The following COL22A1 variants were observed in gnomAD, a reference collection of about 807,000 sequenced individuals.
COL22A1 encodes collagen alpha-1(XXII) chain.
Under a neutral mutation model 248.9 loss-of-function variants are expected in COL22A1, and 221 were observed. That is an observed-to-expected ratio of 0.89 (90% confidence interval 0.80 to 0.99). The LOEUF (loss-of-function observed/expected upper bound fraction) is 0.99. COL22A1 is among the 50% of genes least tolerant of loss of function. The pLI, the probability that COL22A1 is intolerant of heterozygous loss-of-function variation, is 0.00. For missense variants in COL22A1, 2,240 were observed against 2,179.0 expected, an observed-to-expected ratio of 1.03 and a Z score of -0.56; for synonymous variants, 891 against 793.4, an observed-to-expected ratio of 1.12 and a Z score of -2.07.
chr8:138,879,975 C>T (rs1824064757), intron 2 of COL22A1, among the ~76,000 whole-genome samples: 2 of 152,160 alleles, frequency 1.3e-5, no homozygotes, highest in Admixed American at 1.3e-4. Flanking sequence ...ATGGACTTGT[C>T]ACACCCTCTC....
At chr8:138,762,589 C>CAT in intron 16 of COL22A1, 123 bp from the exon 17 acceptor site, 1 of 469,628 alleles carries the variant, frequency 2.1e-6, no homozygotes, top group Non-Finnish European at 3.8e-6. Flanking sequence ...AACGCACGTG[C>CAT]ACACACACAC....
At chr8:138,652,864 A>G (rs755416886) in intron 45 of COL22A1, among the ~76,000 whole-genome samples, 4 of 143,078 alleles carry the variant, frequency 2.8e-5, no homozygotes, top group Non-Finnish European at 6.0e-5. Context: ...CTCCCACCTC[A>G]GCCTCCCAAG....
rs577731079 is a variant in COL22A1 at position 138,808,970 on chromosome 8, A to G, written c.1450-1158T>C. On this transcript the variant is annotated intron_variant, in intron 9 of 64. Transcript: ENST00000303045. The stretch of plus-strand genomic sequence containing the variant: ...ATAATGAAAATGTTTTGCAAACTCA[A>G]TTGAAGTTTTAAACCACTGGAAACA... Among the ~76,000 whole-genome samples, 35 of 152,368 alleles carry G rather than the reference A, an allele frequency of 2.3e-4. No individual in the cohort carries two copies. In the South Asian group the frequency reaches 5.8e-3, roughly 25 times the overall value.
At chr8:138,616,839 C>A in intron 54 of COL22A1, 75 bp downstream of exon 54, 1 of 1,557,026 alleles carries the variant, frequency 6.4e-7, no homozygotes, top group Non-Finnish European at 8.9e-7. Context: ...GGCCTGCAGG[C>A]TGCAAGTATC....
At chr8:138,628,697 C>T (rs1196914235) in intron 50 of COL22A1, among the ~76,000 whole-genome samples, 1 of 151,268 alleles carries the variant, frequency 6.6e-6, no homozygotes, top group African/African-American at 2.4e-5. Flanking sequence ...ATGACAGAAT[C>T]AAAGTCTTAT....
chr8:138,713,876 T>A (rs1037281422), intron 30 of COL22A1, among the ~76,000 whole-genome samples: 1 of 152,152 alleles, frequency 6.6e-6, no homozygotes, highest in Admixed American at 6.5e-5. Flanking sequence ...GACCAGACAC[T>A]ATCCTGGGTG....
chr8:138,874,001 ATCCTCTGTG>A (rs1823533494), intron 3 of COL22A1, among the ~76,000 whole-genome samples: 3 of 152,252 alleles, frequency 2.0e-5, no homozygotes, highest in African/African-American at 4.8e-5. Context: ...CCCCACAGGC[ATCCTCTGTG>A]TACCAAGAGA....
intron 52 of COL22A1, chr8:138,619,870 T>G: frequency 3.8e-6 from 1 of 266,496 alleles, no homozygotes; most frequent in South Asian, 6.1e-5. Context: ...AGGCCGCTAT[T>G]AACACTTGCA....
intron 62 of COL22A1, among the ~76,000 whole-genome samples, chr8:138,595,359 G>T (rs988900939): frequency 6.6e-6 from 1 of 152,162 alleles, no homozygotes; most frequent in African/African-American, 2.4e-5. Flanking sequence ...ACTCAGCCCA[G>T]CAGATTCTCT....
intron 31 of COL22A1, 86 bp downstream of exon 31, chr8:138,703,220 A>G: frequency 8.0e-7 from 1 of 1,243,474 alleles, no homozygotes; most frequent in East Asian, 2.3e-5. Flanking sequence ...GATATTTAAA[A>G]CTAAGTAGTG....
At chr8:138,747,236 T>G (rs1350093898) in intron 22 of COL22A1, among the ~76,000 whole-genome samples, 1 of 152,254 alleles carries the variant, frequency 6.6e-6, no homozygotes, top group Non-Finnish European at 1.5e-5. Context: ...AAAGAAGTTT[T>G]TCAATAACTT....
chr8:138,767,146 G>A (rs2131429542), intron 16 of COL22A1, among the ~76,000 whole-genome samples: 1 of 152,374 alleles, frequency 6.6e-6, no homozygotes. Flanking sequence ...TAAAGCTGCT[G>A]TGAGGACCAC....
intron 10 of COL22A1, among the ~76,000 whole-genome samples, chr8:138,806,586 C>A (rs1316467965): frequency 6.6e-6 from 1 of 152,126 alleles, no homozygotes; most frequent in African/African-American, 2.4e-5. Context: ...GTCATTTCAC[C>A]ATTTCGGCTT....
intron 47 of COL22A1, among the ~76,000 whole-genome samples, chr8:138,646,268 T>A (rs1822196089): frequency 6.6e-6 from 1 of 152,196 alleles, no homozygotes; most frequent in Non-Finnish European, 1.5e-5. Context: ...TTATGTATCA[T>A]ATCATTCCAT....
intron 46 of COL22A1, among the ~76,000 whole-genome samples, chr8:138,649,083 A>G (rs1822460487): frequency 6.6e-6 from 1 of 152,144 alleles, no homozygotes; most frequent in Non-Finnish European, 1.5e-5. Context: ...TTTGTTTTCA[A>G]TTCTATTTCC....
At chr8:138,675,114 C>A (rs2130794598) in intron 41 of COL22A1, among the ~76,000 whole-genome samples, 1 of 152,256 alleles carries the variant, frequency 6.6e-6, no homozygotes, top group Admixed American at 6.5e-5. Context: ...ACCTGGTCTT[C>A]TTGTCACCAT....
chr8:138,620,467 T>C (rs1388384145), intron 52 of COL22A1: 1 of 152,146 alleles, frequency 6.6e-6, no homozygotes. Flanking sequence ...CTTCCAGGTT[T>C]GTCTGTTTCT....
intron 1 of COL22A1, among the ~76,000 whole-genome samples, chr8:138,895,057 T>G (rs1825307896): frequency 1.8e-5 from 1 of 56,176 alleles, no homozygotes; most frequent in Non-Finnish European, 4.3e-5. Context: ...AGAACCTTTC[T>G]CTTAAAAAAA....
At chr8:138,642,254 A>G (rs115734379) in intron 47 of COL22A1, among the ~76,000 whole-genome samples, 3,728 of 152,276 alleles carry the variant, frequency 0.024, 144 homozygotes, top group African/African-American at 0.084. Flanking sequence ...TATACCACCC[A>G]CTAGTTTTGT....
Sources: allele counts gnomAD v4.1 joint callset (sites outside exome capture counted in the v4.1 genomes callset), GRCh38; gene constraint gnomAD v4.1.1; transcripts MANE v1.5; gene names NCBI Gene and HGNC (gene_info 2026-07-23, HGNC 2026-07-21).